The following GTF2F2 variants were observed in gnomAD, a reference collection of about 807,000 sequenced individuals.
The protein encoded by GTF2F2 is ATP-dependent helicase GTF2F2.
In GTF2F2, 23 loss-of-function variants were observed where a neutral mutation model predicts 42.2. That is an observed-to-expected ratio of 0.55 (90% confidence interval 0.39 to 0.77). The LOEUF is 0.77. Among genes scored for constraint, GTF2F2 ranks in the 30% least tolerant of loss-of-function variants. The pLI, the probability that GTF2F2 is intolerant of heterozygous loss-of-function variation, is 0.00. For missense variants in GTF2F2, 261 were observed against 287.2 expected (o/e 0.91, Z 0.66); for synonymous variants, 105 against 100.8 (o/e 1.04, Z -0.25).
intron 4 of GTF2F2, among the ~76,000 whole-genome samples, chr13:45,201,479 G>A (rs1289687141): frequency 6.6e-6 from 1 of 152,148 alleles, no homozygotes; most frequent in East Asian, 1.9e-4. Flanking sequence ...AGACATTCTA[G>A]TAATATCATT....
chr13:45,154,350 C>G (rs1342044954), intron 4 of GTF2F2, among the ~76,000 whole-genome samples: 1 of 152,128 alleles, frequency 6.6e-6, no homozygotes. Context: ...TTTAAAAATA[C>G]TTCAGTGTTG....
At chr13:45,121,666 A>C (rs928220537) in intron 1 of GTF2F2, among the ~76,000 whole-genome samples, 1 of 152,194 alleles carries the variant, frequency 6.6e-6, no homozygotes, top group African/African-American at 2.4e-5. Context: ...TGTCTTTCCA[A>C]CACACAGAAT....
chr13:45,276,196 A>G (rs1350400280), intron 7 of GTF2F2, among the ~76,000 whole-genome samples: 1 of 152,138 alleles, frequency 6.6e-6, no homozygotes, highest in Non-Finnish European at 1.5e-5. Flanking sequence ...TGGAAGGCTG[A>G]TTGTACTTCA....
Position 45,184,981 on chromosome 13 carries a change from T to TTG in GTF2F2, c.305-22429_305-22428dup, listed in dbSNP as rs1300227535. ...TGTGGGCCACCACGCCCAACTGTTT[T>TTG]TGTGTGTGTGTGTGTATTTTTTGTG... On this transcript the variant is annotated intron_variant, in intron 4 of 7. Coordinates refer to ENST00000340473, the MANE Select transcript of GTF2F2 (RefSeq NM_004128.3). Among the ~76,000 whole-genome samples the TTG allele has an allele frequency of 9.0e-4, 137 of 151,800 alleles. 2 individuals are homozygous for TTG. Among genetic ancestry groups the TTG allele is most frequent in the South Asian group, 4.2e-3 (20 of 4,804 alleles).
intron 7 of GTF2F2, among the ~76,000 whole-genome samples, chr13:45,272,793 T>G (rs560781761): frequency 1.3e-5 from 2 of 149,704 alleles, no homozygotes; most frequent in South Asian, 4.2e-4. Context: ...CAGGCTGGAG[T>G]GCTCAAAGCT....
chr13:45,272,240 A>T (rs535395987), intron 7 of GTF2F2, among the ~76,000 whole-genome samples: 1 of 151,386 alleles, frequency 6.6e-6, no homozygotes, highest in East Asian at 1.9e-4. Flanking sequence ...ATGAAATGTG[A>T]TGTAAAATAA....
chr13:45,282,383 T>C (rs946146939), intron 7 of GTF2F2, among the ~76,000 whole-genome samples: 2 of 152,218 alleles, frequency 1.3e-5, no homozygotes, highest in African/African-American at 2.4e-5. Flanking sequence ...AGTAATCATT[T>C]AGTAAATGTT....
intron 5 of GTF2F2, among the ~76,000 whole-genome samples, chr13:45,243,236 C>G (rs892443131): frequency 6.6e-6 from 1 of 152,152 alleles, no homozygotes; most frequent in Admixed American, 6.5e-5. Flanking sequence ...TCCTCAACGC[C>G]TGGGCCGCAT....
rs1294636289 is a variant in GTF2F2, at chr13:45,166,832, G to T, written c.304+15001G>T. 2.0e-5 allele frequency among the ~76,000 whole-genome samples: 3 copies of T among 152,254 alleles called. No individual in the cohort carries two copies. The East Asian group carries it at 5.8e-4, about 29-fold the overall frequency. ...GTATACAAGCCTCAATTTAGAGTAT[G>T]AATTTCTTCCCTGGAATATTGATAA... On this transcript the variant is annotated intron_variant, in intron 4 of 7. Transcript: ENST00000340473.
intron 5 of GTF2F2, among the ~76,000 whole-genome samples, chr13:45,234,764 A>C (rs1021555739): frequency 1.3e-5 from 2 of 152,124 alleles, no homozygotes; most frequent in African/African-American, 4.8e-5. Context: ...AAAGATGGTC[A>C]TGCCAGTGCG....
rs11326737 is a variant in GTF2F2, at chr13:45,144,457, C to CTTT, written c.141-5294_141-5292dup. Among the ~76,000 whole-genome samples, 152 of 74,006 alleles carry CTTT rather than the reference C, an allele frequency of 2.1e-3. 1 individual carries two copies. Among genetic ancestry groups the CTTT allele is most frequent in the Middle Eastern group, 9.4e-3 (1 of 106 alleles). The allele number at this position is 74,006 out of a possible 152,430, so 48.6% of individuals were successfully genotyped here. A position where few individuals can be genotyped will look rare whatever the true frequency, so the allele number is the denominator to read the frequency against. ...TTCTAGCTTTATTTCTTTTTTTGGT[C>CTTT]TTTTTTTTTTTTTTTTTTTTTGAGA... On this transcript the variant is annotated intron_variant, in intron 2 of 7. Coordinates refer to ENST00000340473, the MANE Select transcript of GTF2F2 (RefSeq NM_004128.3).
intron 4 of GTF2F2, among the ~76,000 whole-genome samples, chr13:45,165,634 GAAAT>G (rs1871258166): frequency 6.8e-6 from 1 of 147,068 alleles, no homozygotes; most frequent in African/African-American, 2.6e-5. Context: ...CAAAAGTAGA[GAAAT>G]AGTACAGTGA....
intron 2 of GTF2F2, among the ~76,000 whole-genome samples, chr13:45,139,029 G>A (rs918217853): frequency 3.3e-5 from 5 of 152,196 alleles, no homozygotes; most frequent in African/African-American, 4.8e-5. Context: ...TTCACAGGAA[G>A]CAATGAGTCC....
intron 7 of GTF2F2, among the ~76,000 whole-genome samples, chr13:45,282,492 C>T (rs1368237965): frequency 1.3e-5 from 2 of 152,104 alleles, no homozygotes; most frequent in African/African-American, 4.8e-5. Context: ...GGGATGTCTT[C>T]TTATCACTTT....
intron 6 of GTF2F2, among the ~76,000 whole-genome samples, chr13:45,262,618 C>T (rs1178122619): frequency 6.6e-6 from 1 of 151,876 alleles, no homozygotes; most frequent in African/African-American, 2.4e-5. Flanking sequence ...TGGGTTTTGC[C>T]ATGTTCCCCA....
intron 6 of GTF2F2, among the ~76,000 whole-genome samples, chr13:45,261,906 A>T (rs1033692319): frequency 3.9e-5 from 6 of 152,212 alleles, no homozygotes; most frequent in African/African-American, 7.2e-5. Flanking sequence ...GTTTAGTTTT[A>T]AAAAATTACC....
At chr13:45,172,756 A>T (rs554254377) in intron 4 of GTF2F2, among the ~76,000 whole-genome samples, 1 of 152,256 alleles carries the variant, frequency 6.6e-6, no homozygotes, top group East Asian at 1.9e-4. Flanking sequence ...AAATTAGTTG[A>T]TCAGGAGTTG....
At chr13:45,271,145 A>G (rs1876773101) in intron 7 of GTF2F2, among the ~76,000 whole-genome samples, 1 of 152,110 alleles carries the variant, frequency 6.6e-6, no homozygotes, top group African/African-American at 2.4e-5. Context: ...ATAAAAAATT[A>G]GCCAGGCGTG....
chr13:45,185,569 CCAGTAACA>C (rs1207566672), intron 4 of GTF2F2, among the ~76,000 whole-genome samples: 1 of 151,896 alleles, frequency 6.6e-6, no homozygotes, highest in Admixed American at 6.6e-5. Context: ...GTGAATATAC[CCAGTAACA>C]ATGTATTATA....
Sources: allele counts gnomAD v4.1 joint callset (sites outside exome capture counted in the v4.1 genomes callset), GRCh38; gene constraint gnomAD v4.1.1; transcripts MANE v1.5; gene names NCBI Gene and HGNC (gene_info 2026-07-23, HGNC 2026-07-21).